RALGPS2: variants seen among roughly 807,000 people sequenced by gnomAD.
RALGPS2 encodes Ral GEF with PH domain and SH3 binding motif 2, also known as ras-specific guanine nucleotide-releasing factor RalGPS2.
RALGPS2 carries 43 observed loss-of-function variants against 86.8 expected under a neutral mutation model. The ratio of observed to expected loss-of-function variants is 0.50; its 90% CI spans 0.39 to 0.64. The LOEUF is 0.64. RALGPS2 is among the 30% of genes least tolerant of loss of function. The pLI is 0.00. For synonymous variants in RALGPS2, 243 were observed against 231.3 expected (o/e 1.05, Z -0.46); for missense variants, 536 against 694.6 (o/e 0.77, Z 2.57).
chr1:178,858,949 C>T (rs528666664), intron 8 of RALGPS2, among the ~76,000 whole-genome samples: 3 of 152,224 alleles, frequency 2.0e-5, no homozygotes, highest in African/African-American at 7.2e-5. Context: ...TTATTGGTTA[C>T]CAAGTAGGAT....
chr1:178,890,387 A>G (rs1659668992), intron 14 of RALGPS2, among the ~76,000 whole-genome samples: 1 of 151,966 alleles, frequency 6.6e-6, no homozygotes, highest in African/African-American at 2.4e-5. Context: ...CAGTTCTGCC[A>G]TTTCAGACTC....
chr1:178,768,593 A>G (rs1652629618), intron 1 of RALGPS2, among the ~76,000 whole-genome samples: 1 of 152,122 alleles, frequency 6.6e-6, no homozygotes, highest in Non-Finnish European at 1.5e-5. Flanking sequence ...TTACTGGGAG[A>G]TGCTCTCTGT....
intron 2 of RALGPS2, among the ~76,000 whole-genome samples, chr1:178,777,779 A>G (rs529323167): frequency 5.9e-5 from 9 of 152,104 alleles, no homozygotes; most frequent in African/African-American, 2.2e-4. Context: ...CCTGAGAAAA[A>G]CAAGCAACGG....
At chr1:178,825,202 G>T (rs1025615675) in intron 7 of RALGPS2, among the ~76,000 whole-genome samples, 12 of 152,132 alleles carry the variant, frequency 7.9e-5, no homozygotes, top group African/African-American at 2.9e-4. Flanking sequence ...TTTCAATAGT[G>T]CCAAGAGTTG....
chr1:178,889,701 G>C lies in RALGPS2; in HGVS notation c.1247+5G>C, dbSNP rs568859675. The C allele has an allele frequency of 3.8e-6, 6 of 1,598,892 alleles. No individual in the cohort carries two copies. In the East Asian group the frequency reaches 1.1e-4, roughly 30 times the overall value. On this transcript the variant is annotated splice_donor_5th_base_variant and intron_variant, in intron 14 of 19. Transcript: ENST00000367635. ...CTCATGGCCTGCTTTTGAAAGGTAA[G>C]ATAAATTGTCCATTTGAACTACTTG...
chr1:178,869,485 T>C (rs1352248611), intron 8 of RALGPS2, among the ~76,000 whole-genome samples: 1 of 152,138 alleles, frequency 6.6e-6, no homozygotes, highest in Non-Finnish European at 1.5e-5. Flanking sequence ...TCAGATTAAA[T>C]GCCTGCCTTA....
At chr1:178,740,329 T>C (rs1241634984) in intron 1 of RALGPS2, among the ~76,000 whole-genome samples, 1 of 152,214 alleles carries the variant, frequency 6.6e-6, no homozygotes, top group African/African-American at 2.4e-5. Flanking sequence ...CAGACCTCAA[T>C]AGCTATTTTT....
chr1:178,836,428 T>C (rs745939090), intron 8 of RALGPS2, among the ~76,000 whole-genome samples: 27 of 152,330 alleles, frequency 1.8e-4, no homozygotes, highest in Non-Finnish European at 3.1e-4. Context: ...ATGTAGGATC[T>C]TACGTTTCAC....
At chr1:178,832,940 G>C (rs1042880922) in intron 7 of RALGPS2, among the ~76,000 whole-genome samples, 7 of 151,712 alleles carry the variant, frequency 4.6e-5, no homozygotes, top group African/African-American at 1.7e-4. Context: ...AAAAATGTAA[G>C]GAATTAAAGG....
At chr1:178,866,100 T>G (rs1368541599) in intron 8 of RALGPS2, among the ~76,000 whole-genome samples, 1 of 152,166 alleles carries the variant, frequency 6.6e-6, no homozygotes, top group Non-Finnish European at 1.5e-5. Flanking sequence ...TGTGCAAAGA[T>G]ACGCTGCTAG....
intron 19 of RALGPS2, among the ~76,000 whole-genome samples, chr1:178,911,801 A>G (rs753432534): frequency 1.1e-4 from 16 of 152,306 alleles, no homozygotes; most frequent in Non-Finnish European, 2.1e-4. Context: ...GCCTGACACT[A>G]TCAGTGGGGT....
chr1:178,900,589 TAGA>T (rs987392777), intron 17 of RALGPS2, among the ~76,000 whole-genome samples: 4 of 152,056 alleles, frequency 2.6e-5, no homozygotes, highest in African/African-American at 9.6e-5. Flanking sequence ...AGATTATCTG[TAGA>T]AGAATATTTC....
In RALGPS2 at chr1:178,856,202, G is replaced by GAGATAT. The variant is rs1428022812; in HGVS notation, c.608-21295_608-21294insGATATA. Among the ~76,000 whole-genome samples, 708 of 83,780 alleles carry GAGATAT rather than the reference G, an allele frequency of 8.5e-3. 1 individual carries two copies. The highest frequency in any genetic ancestry group is 0.013 in the Non-Finnish European group (581 of 44,756). The allele number at this position is 83,780 out of a possible 152,430, so 55.0% of individuals were successfully genotyped here. A position where few individuals can be genotyped will look rare whatever the true frequency, so the allele number is the denominator to read the frequency against. On this transcript the variant is annotated intron_variant, in intron 8 of 19. Transcript: ENST00000367635. ...ACCTGTACTTTTCCAGAGAGAGAGAGATATATATATATATATATATATATA... is the reference window on the plus strand; with the variant it reads ...ACCTGTACTTTTCCAGAGAGAGAGAGAGATATATATATATATATATATATATATATA...
At chr1:178,907,441 G>A (rs1430355065) in intron 19 of RALGPS2, among the ~76,000 whole-genome samples, 1 of 152,140 alleles carries the variant, frequency 6.6e-6, no homozygotes, top group African/African-American at 2.4e-5. Flanking sequence ...TTTCTGTGGT[G>A]GTAGTGAAAC....
intron 8 of RALGPS2, among the ~76,000 whole-genome samples, chr1:178,873,358 A>G (rs1658855252): frequency 6.6e-6 from 1 of 152,222 alleles, no homozygotes; most frequent in Non-Finnish European, 1.5e-5. Flanking sequence ...AGAAATATAT[A>G]CGTTTAACCT....
intron 7 of RALGPS2, among the ~76,000 whole-genome samples, chr1:178,823,264 T>G (rs1393900917): frequency 6.6e-6 from 1 of 152,254 alleles, no homozygotes; most frequent in Non-Finnish European, 1.5e-5. Flanking sequence ...AGCTTCATTA[T>G]TTATCTGAAT....
At chr1:178,753,365 C>T (rs1651781523) in intron 1 of RALGPS2, among the ~76,000 whole-genome samples, 1 of 152,148 alleles carries the variant, frequency 6.6e-6, no homozygotes. Flanking sequence ...TGAGACAAGT[C>T]AAATATTAAA....
rs1191867674 is a variant in RALGPS2, at chr1:178,921,653, G to A, written c.*5294G>A. 6.6e-6 allele frequency: 1 copy of A among 152,010 alleles called. No individual in the cohort carries two copies. Among genetic ancestry groups the A allele is most frequent in the Non-Finnish European group, 1.5e-5 (1 of 67,936 alleles). The allele number at this position is 152,010 out of a possible 1,614,324, so 9.4% of individuals were successfully genotyped here. A position where few individuals can be genotyped will look rare whatever the true frequency, so the allele number is the denominator to read the frequency against. Reference sequence around the variant, plus strand: ...CCCAATTAACTTGAGGTACTCTAATGATGAAGCACTCGATTGCACTATGAC... The same window carrying A: ...CCCAATTAACTTGAGGTACTCTAATAATGAAGCACTCGATTGCACTATGAC... On this transcript the variant is annotated 3_prime_UTR_variant, in exon 20 of 20. Coordinates refer to ENST00000367635, the MANE Select transcript of RALGPS2 (RefSeq NM_152663.5).
intron 13 of RALGPS2, among the ~76,000 whole-genome samples, chr1:178,889,038 G>GC (rs1410484652): frequency 6.6e-6 from 1 of 151,496 alleles, no homozygotes; most frequent in Non-Finnish European, 1.5e-5. Flanking sequence ...TTTTTTGTTG[G>GC]TTTTTTTTCC....
Sources: gnomAD v4.1 joint callset for allele counts (sites outside exome capture counted in the v4.1 genomes callset) on GRCh38, gnomAD v4.1.1 for gene constraint, MANE v1.5 for transcripts, NCBI Gene and HGNC (gene_info 2026-07-23, HGNC 2026-07-21) for gene names.